The following ARHGAP10 variants were observed in gnomAD, a reference collection of about 807,000 sequenced individuals.
The protein encoded by ARHGAP10 is Rho GTPase activating protein 10.
A neutral mutation model predicts 108.6 loss-of-function variants in ARHGAP10; 87 were observed. The ratio of observed to expected loss-of-function variants is 0.80; its 90% CI spans 0.67 to 0.96. The LOEUF (loss-of-function observed/expected upper bound fraction) is 0.96, where lower values mean the gene tolerates loss of function less well. Among genes scored for constraint, ARHGAP10 ranks in the 40% least tolerant of loss-of-function variants. The pLI, the probability that ARHGAP10 is intolerant of heterozygous loss-of-function variation, is 0.00. For missense variants in ARHGAP10, 939 were observed against 954.5 expected, an observed-to-expected ratio of 0.98 and a Z score of 0.21; for synonymous variants, 347 against 341.1, an observed-to-expected ratio of 1.02 and a Z score of -0.19.
intron 3 of ARHGAP10, among the ~76,000 whole-genome samples, chr4:147,827,154 T>A (rs1732740163): frequency 6.6e-6 from 1 of 152,078 alleles, no homozygotes; most frequent in South Asian, 2.1e-4. Flanking sequence ...TTTGGGTACT[T>A]CTCATCTTGA....
At chr4:147,864,607 A>G in intron 5 of ARHGAP10, 2 of 383,888 alleles carry the variant, frequency 5.2e-6, no homozygotes, top group Non-Finnish European at 9.3e-6. Context: ...GATAGTAAAT[A>G]TTTTAGACTT....
At chr4:148,048,869 C>T (rs554741231) in intron 20 of ARHGAP10, among the ~76,000 whole-genome samples, 15 of 151,446 alleles carry the variant, frequency 9.9e-5, no homozygotes, top group South Asian at 8.3e-4. Context: ...CCTATTCATA[C>T]GCATTTTAAA....
At chr4:147,895,134 T>C (rs138474186) in intron 10 of ARHGAP10, among the ~76,000 whole-genome samples, 4 of 152,318 alleles carry the variant, frequency 2.6e-5, no homozygotes, top group African/African-American at 9.6e-5. Flanking sequence ...AGTAATGTTT[T>C]ACAGTTTTCA....
rs1422940660 is a variant in ARHGAP10, at chr4:147,784,802, ATATAATATAT to A, written c.155-37919_155-37910del. 2.1e-4 allele frequency among the ~76,000 whole-genome samples: 2 copies of A among 9,408 alleles called. 1 individual carries two copies. Among genetic ancestry groups the A allele is most frequent in the African/African-American group, 4.0e-4 (2 of 5,034 alleles). The allele number at this position is 9,408 out of a possible 152,430, so 6.2% of individuals were successfully genotyped here. On this transcript the variant is annotated intron_variant, in intron 1 of 22. Coordinates refer to ENST00000336498, the MANE Select transcript of ARHGAP10 (RefSeq NM_024605.4). ...ATATATTATAAAATATATATTATAA[ATATAATATAT>A]TATAAAATATATATTATAAATATAT... is the stretch of plus-strand genomic sequence containing the variant.
chr4:147,891,804 A>G (rs1309913120), intron 10 of ARHGAP10, among the ~76,000 whole-genome samples: 1 of 152,066 alleles, frequency 6.6e-6, no homozygotes, highest in Non-Finnish European at 1.5e-5. Context: ...TTTTGTATGG[A>G]TGTTTTCTCC....
chr4:148,057,454 A>G (rs1278285015), intron 20 of ARHGAP10, among the ~76,000 whole-genome samples: 1 of 152,174 alleles, frequency 6.6e-6, no homozygotes, highest in African/African-American at 2.4e-5. Context: ...ACCTTGAGTA[A>G]GTTGCTTTCA....
chr4:147,793,755 C>T (rs1731211909), intron 1 of ARHGAP10, among the ~76,000 whole-genome samples: 1 of 152,140 alleles, frequency 6.6e-6, no homozygotes, highest in Non-Finnish European at 1.5e-5. Flanking sequence ...CTTGCAGAAA[C>T]AAATCATCCG....
Position 147,879,356 on chromosome 4 carries a change from CATAGA to C in ARHGAP10, c.939+24_939+28del. 6.3e-7 allele frequency: 1 copy of C among 1,598,506 alleles called. No individual in the cohort carries two copies. Among genetic ancestry groups the C allele is most frequent in the Non-Finnish European group, 8.6e-7 (1 of 1,168,116 alleles). On this transcript the variant is annotated intron_variant, in intron 9 of 22. Coordinates refer to ENST00000336498, the MANE Select transcript of ARHGAP10 (RefSeq NM_024605.4). ...GGAAACTTGTAAGTATTTGATTCAA[CATAGA>C]ATAGATTATAATCTGTCAGAGGTAG...
rs558004226 is a variant in ARHGAP10 at position 147,758,785 on chromosome 4, C to T, written c.154+26330C>T. On this transcript the variant is annotated intron_variant, in intron 1 of 22. Coordinates refer to ENST00000336498, the MANE Select transcript of ARHGAP10 (RefSeq NM_024605.4). ...CTTGAGGTCAGGAGTTCGAGACCAGCGTGGCCAGCATGGTGAAACCCGGTC... is the reference window on the plus strand; with the variant it reads ...CTTGAGGTCAGGAGTTCGAGACCAGTGTGGCCAGCATGGTGAAACCCGGTC... 3.3e-5 allele frequency among the ~76,000 whole-genome samples: 5 copies of T among 151,888 alleles called. No individual in the cohort carries two copies. In the South Asian group the frequency reaches 8.3e-4, roughly 25 times the overall value.
chr4:147,895,398 ATGGTGG>A (rs1735951458), intron 10 of ARHGAP10, among the ~76,000 whole-genome samples: 1 of 151,126 alleles, frequency 6.6e-6, no homozygotes, highest in South Asian at 2.1e-4. Flanking sequence ...AGGGCCAGGC[ATGGTGG>A]TTGACACCTG....
intron 4 of ARHGAP10, among the ~76,000 whole-genome samples, chr4:147,857,166 A>T (rs753508576): frequency 6.6e-6 from 1 of 152,184 alleles, no homozygotes; most frequent in Non-Finnish European, 1.5e-5. Flanking sequence ...TTTTAAACGA[A>T]TTCCACGTCT....
intron 20 of ARHGAP10, among the ~76,000 whole-genome samples, chr4:148,060,907 C>A (rs545718497): frequency 2.0e-5 from 3 of 152,256 alleles, no homozygotes; most frequent in East Asian, 3.9e-4. Context: ...GAGAACTTGA[C>A]CCTGGACAAG....
At chr4:147,852,540 G>A (rs545567881) in intron 4 of ARHGAP10, among the ~76,000 whole-genome samples, 1 of 152,186 alleles carries the variant, frequency 6.6e-6, no homozygotes, top group South Asian at 2.1e-4. Context: ...GGGAGGGTGT[G>A]CCTTCTCCCT....
chr4:147,910,505 G>T (rs2126916424), intron 12 of ARHGAP10, among the ~76,000 whole-genome samples: 1 of 152,218 alleles, frequency 6.6e-6, no homozygotes, highest in South Asian at 2.1e-4. Context: ...TCCTAGCCTT[G>T]ATATGCTTTA....
At chr4:148,020,544 T>G (rs1741528230) in intron 18 of ARHGAP10, among the ~76,000 whole-genome samples, 1 of 149,536 alleles carries the variant, frequency 6.7e-6, no homozygotes, top group South Asian at 2.2e-4. Context: ...CATGCGTTTT[T>G]TGTTTTTTTT....
At chr4:147,831,356 C>G (rs908427032) in intron 3 of ARHGAP10, among the ~76,000 whole-genome samples, 1 of 152,184 alleles carries the variant, frequency 6.6e-6, no homozygotes, top group African/African-American at 2.4e-5. Context: ...TTTAGTGTTA[C>G]TTACTTTGTA....
chr4:147,977,518 TG>T (rs1739640095), intron 18 of ARHGAP10, among the ~76,000 whole-genome samples: 1 of 152,256 alleles, frequency 6.6e-6, no homozygotes, highest in Non-Finnish European at 1.5e-5. Context: ...AAGATGATTG[TG>T]TGCCAGGCAC....
intron 19 of ARHGAP10, among the ~76,000 whole-genome samples, chr4:148,029,262 G>T (rs571049727): frequency 6.6e-6 from 1 of 152,082 alleles, no homozygotes; most frequent in African/African-American, 2.4e-5. Context: ...ATATATCCAC[G>T]TTCATCCATA....
intron 17 of ARHGAP10, among the ~76,000 whole-genome samples, chr4:147,966,408 AT>A (rs769490789): frequency 5.3e-5 from 8 of 152,186 alleles, no homozygotes; most frequent in Non-Finnish European, 1.2e-4. Context: ...TCTGGCATCA[AT>A]TCCCAGGGGA....
Sources: gnomAD v4.1 joint callset for allele counts (sites outside exome capture counted in the v4.1 genomes callset) on GRCh38, gnomAD v4.1.1 for gene constraint, MANE v1.5 for transcripts, NCBI Gene and HGNC (gene_info 2026-07-23, HGNC 2026-07-21) for gene names.